LRCOL1: variants seen among roughly 807,000 people sequenced by gnomAD.
The protein encoded by LRCOL1 is leucine-rich colipase-like protein 1.
In LRCOL1, 21 loss-of-function variants were observed where a neutral mutation model predicts 21.6. The ratio of observed to expected loss-of-function variants is 0.97; its 90% CI spans 0.69 to 1.40. The LOEUF (loss-of-function observed/expected upper bound fraction) is 1.40, where lower values mean the gene tolerates loss of function less well. Among genes scored for constraint, LRCOL1 ranks in the 40% most tolerant of loss-of-function variants. The pLI, the probability that LRCOL1 is intolerant of heterozygous loss-of-function variation, is 0.00. For synonymous variants in LRCOL1, 98 were observed against 90.1 expected, an observed-to-expected ratio of 1.09 and a Z score of -0.49; for missense variants, 198 against 202.3, an observed-to-expected ratio of 0.98 and a Z score of 0.13.
In LRCOL1 at chr12:132,603,268, G is replaced by C; in HGVS notation, c.*134C>G. On this transcript the variant is annotated 3_prime_UTR_variant, in exon 6 of 6. Transcript: ENST00000376608. ...TGGTCACAGCCTTTCAGTTCCCACA[G>C]ATTTTCAGAGCCCCAGAAACAGCAG... is the stretch of plus-strand genomic sequence containing the variant. 7.3e-7 allele frequency: 1 copy of C among 1,374,688 alleles called. No homozygotes were observed. Among genetic ancestry groups the C allele is most frequent in the Non-Finnish European group, 9.9e-7 (1 of 1,012,248 alleles). The allele number at this position is 1,374,688 out of a possible 1,614,324, so 85.2% of individuals were successfully genotyped here. A position where few individuals can be genotyped will look rare whatever the true frequency, so the allele number is the denominator to read the frequency against.
intron 1 of LRCOL1, 115 bp downstream of exon 1, chr12:132,610,208 A>G (rs1478804326): frequency 1.3e-5 from 2 of 152,232 alleles, no homozygotes. Context: ...TGGGCTGTGC[A>G]CACGTCCTAT....
intron 1 of LRCOL1, among the ~76,000 whole-genome samples, chr12:132,609,280 G>A (rs1475126587): frequency 3.9e-5 from 6 of 152,200 alleles, no homozygotes; most frequent in African/African-American, 1.2e-4. Context: ...CAGGGCAGGT[G>A]GGGGTTGGTG....
chr12:132,608,095 A>G (rs1395131554), intron 1 of LRCOL1, among the ~76,000 whole-genome samples: 3 of 152,018 alleles, frequency 2.0e-5, no homozygotes, highest in Non-Finnish European at 4.4e-5. Flanking sequence ...TCTCGCGTGC[A>G]CTCAGGGGAA....
rs1171329332 is a variant in LRCOL1, at chr12:132,604,258, G to T, written c.473C>A (p.Pro158His). ...GAGCCCCCGCCCGGGACTTACCAGG[G>T]GCAGGCACTGGGCCAGGATCCCGGT... ...PRTGILAQCL[P>H]L The change falls in exon 5 of 6, where the codon CCC becomes CAC. Residue 158 changes from proline to histidine, a missense_variant. By Grantham distance (77) the Pro-to-His change is moderately conservative. Coordinates refer to ENST00000376608, the MANE Select transcript of LRCOL1 (RefSeq NM_001195520.2). 6.5e-7 allele frequency: 1 copy of T among 1,533,838 alleles called. No individual in the cohort carries two copies.
chr12:132,603,323 A>G lies in LRCOL1; in HGVS notation c.*79T>C. ...AACCGTAAGGGAAGCTTCCGCTGGAACCAGCCCCCGCGCAACGCGGTCCTG... is the reference window on the plus strand; with the variant it reads ...AACCGTAAGGGAAGCTTCCGCTGGAGCCAGCCCCCGCGCAACGCGGTCCTG... On this transcript the variant is annotated 3_prime_UTR_variant, in exon 6 of 6. Coordinates refer to ENST00000376608, the MANE Select transcript of LRCOL1 (RefSeq NM_001195520.2). 6.5e-7 allele frequency: 1 copy of G among 1,527,900 alleles called. No homozygotes were observed. The highest frequency in any genetic ancestry group is 8.8e-7 in the Non-Finnish European group (1 of 1,140,078). The allele number at this position is 1,527,900 out of a possible 1,614,324, so 94.6% of individuals were successfully genotyped here.
rs757964309 is a variant in LRCOL1, at chr12:132,606,240, C to T, written c.12G>A (p.Pro4=). 5.2e-6 allele frequency: 8 copies of T among 1,536,344 alleles called. No individual in the cohort carries two copies. Among genetic ancestry groups the T allele is most frequent in the South Asian group, 2.4e-5 (2 of 84,022 alleles). The part of the protein sequence containing the change: MAG[P]GWTLLLLLLL... Reference sequence around the variant, plus strand: ...GCAGCAGTAGCAGCAGCGTCCACCCCGGGCCGGCCATCGGGTGTGTGGACC... The same window carrying T: ...GCAGCAGTAGCAGCAGCGTCCACCCTGGGCCGGCCATCGGGTGTGTGGACC... The change falls in exon 2 of 6, where the codon CCG becomes CCA. Residue 4 remains proline (P), a synonymous_variant. Coordinates refer to ENST00000376608, the MANE Select transcript of LRCOL1 (RefSeq NM_001195520.2). This position sits in a 1 kb window ranked among gnomAD's most constrained non-coding sequence, Gnocchi z 4.6.
intron 2 of LRCOL1, chr12:132,605,040 G>C: frequency 7.2e-7 from 1 of 1,397,882 alleles, no homozygotes; most frequent in Non-Finnish European, 9.3e-7. Flanking sequence ...AATGTCTACT[G>C]TGAGCCACGT....
intron 1 of LRCOL1, among the ~76,000 whole-genome samples, chr12:132,607,679 GTCTC>G (rs2041326407): frequency 1.1e-5 from 1 of 94,192 alleles, no homozygotes; most frequent in South Asian, 2.5e-4. Context: ...TTCTGTCTCT[GTCTC>G]TCTCTGCCTC....
At chr12:132,603,741 C>T in intron 5 of LRCOL1, 6 of 985,432 alleles carry the variant, frequency 6.1e-6, no homozygotes, top group Non-Finnish European at 7.2e-6. Context: ...GCACTTGCGC[C>T]CCCACCGCGT....
intron 1 of LRCOL1, among the ~76,000 whole-genome samples, chr12:132,608,873 T>C (rs2041344625): frequency 6.6e-6 from 1 of 152,236 alleles, no homozygotes. Flanking sequence ...TCGTAGGTCC[T>C]TGCAAAGTTC....
rs1053424882 is a variant in LRCOL1, at chr12:132,604,367, C to T, written c.364G>A (p.Asp122Asn). 13 of 1,535,556 alleles carry T rather than the reference C, an allele frequency of 8.5e-6. No homozygotes were observed. Among genetic ancestry groups the T allele is most frequent in the African/African-American group, 1.4e-5 (1 of 73,168 alleles). ...CACTCCTGATGGCTGCTGCAGAAGTCGCCGTTGGGCTGGGGAGGCAGCCAG... is the reference window on the plus strand; with the variant it reads ...CACTCCTGATGGCTGCTGCAGAAGTTGCCGTTGGGCTGGGGAGGCAGCCAG... Reference protein sequence around the residue: ...QCVPWRKPNGDFCSSHQECHS... With the variant: ...QCVPWRKPNGNFCSSHQECHS... Residue 122 changes from aspartate to asparagine, a missense_variant, in exon 5 of 6, where the codon GAC (aspartate) becomes AAC (asparagine). By Grantham distance (23) the Asp-to-Asn change is conservative. Transcript: ENST00000376608.
At chr12:132,610,157 G>A (rs1297783849) in intron 1 of LRCOL1, among the ~76,000 whole-genome samples, 166 bp downstream of exon 1, 2 of 152,224 alleles carry the variant, frequency 1.3e-5, no homozygotes, top group African/African-American at 4.8e-5. Flanking sequence ...CACCCCGGCC[G>A]AGGGCAGAGC....
At chr12:132,607,620 TGTCTCTCC>T (rs2138311353) in intron 1 of LRCOL1, among the ~76,000 whole-genome samples, 1 of 152,170 alleles carries the variant, frequency 6.6e-6, no homozygotes, top group East Asian at 1.9e-4. Context: ...CCTGTCTCTC[TGTCTCTCC>T]CTCTGTCTCC....
intron 5 of LRCOL1, chr12:132,604,034 T>C: frequency 2.2e-5 from 30 of 1,385,388 alleles, no homozygotes; most frequent in Non-Finnish European, 2.7e-5. Context: ...ACCCGTGCCC[T>C]GCGGGGCCTG....
chr12:132,607,823 TTC>T (rs1491548551), intron 1 of LRCOL1, among the ~76,000 whole-genome samples: 19 of 122,968 alleles, frequency 1.5e-4, no homozygotes, highest in African/African-American at 5.5e-4. Context: ...CTCTGTCTCT[TTC>T]TGTCTCTGTC....
chr12:132,606,342 C>T lies in LRCOL1; in HGVS notation c.-13-78G>A. On this transcript the variant is annotated intron_variant, in intron 1 of 5. Transcript: ENST00000376608. The surrounding 1 kb of genome is among the most constrained non-coding windows in gnomAD (Gnocchi z 4.6). ...CTGGCACCTGGTGCTGGCCTCCCCACTCCCTTCCCATCCCTTCCCGATCCT... is the reference window on the plus strand; with the variant it reads ...CTGGCACCTGGTGCTGGCCTCCCCATTCCCTTCCCATCCCTTCCCGATCCT... The T allele has an allele frequency of 8.2e-7, 1 of 1,224,464 alleles. No individual in the cohort carries two copies. The highest frequency in any genetic ancestry group is 1.4e-5 in the South Asian group (1 of 73,496). The allele number at this position is 1,224,464 out of a possible 1,614,324, so 75.8% of individuals were successfully genotyped here. A position where few individuals can be genotyped will look rare whatever the true frequency, so the allele number is the denominator to read the frequency against.
Position 132,606,944 on chromosome 12 carries a change from A to T in LRCOL1, c.-13-680T>A, listed in dbSNP as rs1254010423. Reference sequence around the variant, plus strand: ...ACGTGAAAAATGGATTTTGAAGAAGACTTTTCCCAGCGGACAGTGGTTCCC... The same window carrying T: ...ACGTGAAAAATGGATTTTGAAGAAGTCTTTTCCCAGCGGACAGTGGTTCCC... On this transcript the variant is annotated intron_variant, in intron 1 of 5. Coordinates refer to ENST00000376608, the MANE Select transcript of LRCOL1 (RefSeq NM_001195520.2). The surrounding 1 kb of genome is among the most constrained non-coding windows in gnomAD (Gnocchi z 4.6). Among the ~76,000 whole-genome samples the T allele has an allele frequency of 6.6e-6, 1 of 151,922 alleles. No individual in the cohort carries two copies. Among genetic ancestry groups the T allele is most frequent in the East Asian group, 1.9e-4 (1 of 5,142 alleles).
chr12:132,603,591 C>T (rs1170144152), intron 5 of LRCOL1, 187 bp from the exon 6 acceptor site: 8 of 984,634 alleles, frequency 8.1e-6, no homozygotes, highest in East Asian at 1.1e-4. Flanking sequence ...GCCAGGCGCC[C>T]GGAGCTGCTC....
chr12:132,604,149 C>T lies in LRCOL1; in HGVS notation c.477+105G>A. 8 of 1,454,222 alleles carry T rather than the reference C, an allele frequency of 5.5e-6. No individual in the cohort carries two copies. In the South Asian group the frequency reaches 1.0e-4, roughly 18 times the overall value. The allele number at this position is 1,454,222 out of a possible 1,614,324, so 90.1% of individuals were successfully genotyped here. ...GCAGGGGTGCCTGGGTGCTCAGAGC[C>T]CACCTCTCACAGCCGCGGTCCCGGT... On this transcript the variant is annotated intron_variant, in intron 5 of 5. Coordinates refer to ENST00000376608, the MANE Select transcript of LRCOL1 (RefSeq NM_001195520.2).
Sources: gnomAD v4.1 joint callset for allele counts (sites outside exome capture counted in the v4.1 genomes callset) on GRCh38, gnomAD v4.1.1 for gene constraint, Gnocchi (gnomAD v3.1) non-coding constraint, MANE v1.5 for transcripts, NCBI Gene and HGNC (gene_info 2026-07-23, HGNC 2026-07-21) for gene names.